Variants in SLC4A4 observed in about 807,000 individuals in gnomAD.
SLC4A4 encodes solute carrier family 4 member 4.
Under a neutral mutation model 111.5 loss-of-function variants are expected in SLC4A4, and 27 were observed. That is an observed-to-expected ratio of 0.24 (90% CI 0.18 to 0.33). The LOEUF (loss-of-function observed/expected upper bound fraction) is 0.33. SLC4A4 is among the 10% of genes least tolerant of loss of function. The pLI is 1.00. For missense variants in SLC4A4, 909 were observed against 1,315.5 expected, an observed-to-expected ratio of 0.69 and a Z score of 4.78; for synonymous variants, 443 against 463.4, an observed-to-expected ratio of 0.96 and a Z score of 0.57.
In SLC4A4 at chr4:71,482,476, A is replaced by G. The variant is rs35419942; in HGVS notation, c.1904-4472A>G. ...AGCAGCTACTAAAAGTTCAGATTGC[A>G]ATCCTATTTTAGTACACCCCTGGCC... On this transcript the variant is annotated intron_variant, in intron 14 of 25. Coordinates refer to ENST00000264485, the MANE Select transcript of SLC4A4 (RefSeq NM_001098484.3). Among the ~76,000 whole-genome samples the G allele has an allele frequency of 6.4e-3, 970 of 151,748 alleles. 3 individuals carry two copies. Among genetic ancestry groups the G allele is most frequent in the South Asian group, 0.015 (74 of 4,818 alleles).
intron 3 of SLC4A4, among the ~76,000 whole-genome samples, chr4:71,328,110 C>T (rs1008926435): frequency 6.6e-6 from 1 of 151,956 alleles, no homozygotes; most frequent in Non-Finnish European, 1.5e-5. Flanking sequence ...TTTCACTTAA[C>T]AAAATGTCCT....
chr4:71,082,853 C>CTTTTTT (rs34193763), intron 1 of SLC4A4, among the ~76,000 whole-genome samples: 2 of 142,812 alleles, frequency 1.4e-5, no homozygotes, highest in African/African-American at 2.6e-5. Context: ...CCATAATTTT[C>CTTTTTT]TTTTTTTTTT....
chr4:71,488,499 A>C (rs892395736), intron 15 of SLC4A4, among the ~76,000 whole-genome samples: 5 of 151,858 alleles, frequency 3.3e-5, no homozygotes, highest in Admixed American at 6.6e-5. Context: ...CCTACTAGAG[A>C]CCACATGTGT....
chr4:71,477,248 A>G (rs920914095), intron 14 of SLC4A4, among the ~76,000 whole-genome samples: 40 of 151,888 alleles, frequency 2.6e-4, no homozygotes, highest in Non-Finnish European at 3.8e-4. Flanking sequence ...GTTAAATGAG[A>G]TAGTATATGC....
At position 71,493,041 on chromosome 4, in the gene SLC4A4, C is replaced by T. The variant is rs538379264; in HGVS notation, c.1975-4460C>T. Among the ~76,000 whole-genome samples the T allele has an allele frequency of 4.1e-4, 63 of 151,974 alleles. 1 individual carries two copies. In the South Asian group the frequency reaches 0.011, roughly 27 times the overall value. ...CCTGTAAAGGTTACATTCGTTCATTCATGCACTTAGGTCTCAGTGCATTTT... is the reference window on the plus strand; with the variant it reads ...CCTGTAAAGGTTACATTCGTTCATTTATGCACTTAGGTCTCAGTGCATTTT... On this transcript the variant is annotated intron_variant, in intron 15 of 25. Coordinates refer to ENST00000264485, the MANE Select transcript of SLC4A4 (RefSeq NM_001098484.3).
intron 2 of SLC4A4, among the ~76,000 whole-genome samples, chr4:71,132,254 C>G (rs1237011853): frequency 2.0e-5 from 3 of 151,972 alleles, no homozygotes; most frequent in East Asian, 3.9e-4. Flanking sequence ...ATGAAAAGCA[C>G]TATAGAAATG....
chr4:71,120,523 T>C (rs749611873), intron 2 of SLC4A4, among the ~76,000 whole-genome samples: 4 of 152,226 alleles, frequency 2.6e-5, no homozygotes, highest in Non-Finnish European at 5.9e-5. Flanking sequence ...TTCCTTCAGT[T>C]TTGGCCTGGT....
Position 71,078,238 on chromosome 4 carries a change from T to G in SLC4A4, c.-64-14492T>G, listed in dbSNP as rs56850668. Among the ~76,000 whole-genome samples the G allele has an allele frequency of 7.8e-3, 1,182 of 152,258 alleles. 19 individuals carry two copies. The highest frequency in any genetic ancestry group is 0.028 in the African/African-American group (1,144 of 41,542). ...ATTCATTCATTCATTCATTCATTAT[T>G]TATTTATTTGCCAGACATTAGCCAA... On this transcript the variant is annotated intron_variant, in intron 1 of 26. Coordinates refer to the SLC4A4 transcript ENST00000649996.
intron 1 of SLC4A4, among the ~76,000 whole-genome samples, chr4:71,213,923 G>A (rs527585162): frequency 6.6e-6 from 1 of 152,264 alleles, no homozygotes; most frequent in South Asian, 2.1e-4. Context: ...AGAAATAAAT[G>A]TCTGTTCTTT....
intron 1 of SLC4A4, among the ~76,000 whole-genome samples, chr4:71,228,203 C>G (rs1419036369): frequency 6.6e-6 from 1 of 152,156 alleles, no homozygotes; most frequent in Non-Finnish European, 1.5e-5. Context: ...TTTTCTTGCC[C>G]TTTGTTGCTG....
chr4:71,190,100 G>C (rs931318598), intron 1 of SLC4A4, among the ~76,000 whole-genome samples: 1 of 152,144 alleles, frequency 6.6e-6, no homozygotes, highest in African/African-American at 2.4e-5. Context: ...CAGGAAGCTA[G>C]TAAGACTTTA....
chr4:71,562,412 C>A lies in SLC4A4; in HGVS notation c.3100-1381C>A, dbSNP rs565657366. On this transcript the variant is annotated intron_variant, in intron 23 of 25. Coordinates refer to ENST00000264485, the MANE Select transcript of SLC4A4 (RefSeq NM_001098484.3). Reference sequence around the variant, plus strand: ...ATGGATATAGGGAGTCATGCGGGGACATGAGGGTTACAGCTATAATATAAT... The same window carrying A: ...ATGGATATAGGGAGTCATGCGGGGAAATGAGGGTTACAGCTATAATATAAT... Among the ~76,000 whole-genome samples, 8 of 151,768 alleles carry A rather than the reference C, an allele frequency of 5.3e-5. No homozygotes were observed. The East Asian group carries it at 1.6e-3, about 30-fold the overall frequency.
chr4:71,402,377 C>T (rs1227174148), intron 7 of SLC4A4, among the ~76,000 whole-genome samples: 1 of 152,118 alleles, frequency 6.6e-6, no homozygotes, highest in African/African-American at 2.4e-5. Context: ...TCACATAAAG[C>T]TTCTCTTAGC....
chr4:71,535,958 T>G (rs1053760473), intron 18 of SLC4A4, among the ~76,000 whole-genome samples: 2 of 152,082 alleles, frequency 1.3e-5, no homozygotes, highest in African/African-American at 2.4e-5. Context: ...TTTTCACTTA[T>G]GATGAAAGAA....
At chr4:71,183,760 A>C (rs1456431350), upstream of SLC4A4, among the ~76,000 whole-genome samples, 3 of 152,216 alleles carry the variant, frequency 2.0e-5, no homozygotes, top group Non-Finnish European at 4.4e-5. Flanking sequence ...GCACAAAGAA[A>C]ATCTCTATTC....
chr4:71,233,307 G>A, intron 1 of SLC4A4: 1 of 985,378 alleles, frequency 1.0e-6, no homozygotes, highest in African/African-American at 1.7e-5. Flanking sequence ...CTGCTACTGT[G>A]TGTGGTATGT....
At chr4:71,130,049 G>T (rs1743661113) in intron 2 of SLC4A4, among the ~76,000 whole-genome samples, 1 of 152,094 alleles carries the variant, frequency 6.6e-6, no homozygotes, top group African/African-American at 2.4e-5. Context: ...TATTACCTGG[G>T]TGATGAAGTA....
chr4:71,191,015 A>G (rs942535588), intron 1 of SLC4A4, among the ~76,000 whole-genome samples: 2 of 152,224 alleles, frequency 1.3e-5, no homozygotes, highest in East Asian at 3.8e-4. Context: ...TTTCACTTTC[A>G]GTACAGTATT....
At chr4:71,474,047 A>G (rs1271297851) in intron 14 of SLC4A4, among the ~76,000 whole-genome samples, 2 of 151,538 alleles carry the variant, frequency 1.3e-5, no homozygotes, top group Admixed American at 1.3e-4. Flanking sequence ...CAAAAAATAG[A>G]AAAACCAGCC....
Sources: allele counts gnomAD v4.1 joint callset (sites outside exome capture counted in the v4.1 genomes callset), GRCh38; gene constraint gnomAD v4.1.1; transcripts MANE v1.5; gene names NCBI Gene and HGNC (gene_info 2026-07-23, HGNC 2026-07-21).